Variants in ARFGEF3 observed in about 807,000 individuals in gnomAD.
The protein encoded by ARFGEF3 is brefeldin A-inhibited guanine nucleotide-exchange protein 3.
ARFGEF3 carries 96 observed loss-of-function variants against 221.7 expected under a neutral mutation model. The ratio of observed to expected loss-of-function variants is 0.43; its 90% CI spans 0.37 to 0.51. The LOEUF is 0.51. Ranked by LOEUF, ARFGEF3 falls within the 20% of genes least tolerant of loss-of-function variation. ARFGEF3 has a pLI of 0.00. For synonymous variants in ARFGEF3, 1,145 were observed against 1,126.8 expected (o/e 1.02, Z -0.32); for missense variants, 2,410 against 2,789.9 (o/e 0.86, Z 3.07).
intron 3 of ARFGEF3, among the ~76,000 whole-genome samples, chr6:138,207,500 G>C (rs936112757): frequency 6.6e-6 from 1 of 152,182 alleles, no homozygotes; most frequent in Non-Finnish European, 1.5e-5. Context: ...AATAAAAATT[G>C]ATGGTAAACT....
chr6:138,298,855 A>G, intron 22 of ARFGEF3, 70 bp downstream of exon 22: 1 of 1,150,232 alleles, frequency 8.7e-7, no homozygotes, highest in Non-Finnish European at 1.3e-6. Flanking sequence ...CGGTTCTATG[A>G]GCTTCGCACA....
intron 26 of ARFGEF3, among the ~76,000 whole-genome samples, chr6:138,314,598 T>G (rs1205466103): frequency 6.6e-6 from 1 of 152,186 alleles, no homozygotes; most frequent in Non-Finnish European, 1.5e-5. Flanking sequence ...TCTCCAGCTG[T>G]GGGCCTGTGA....
rs1779947076 is a variant in ARFGEF3, at chr6:138,317,473, T to TTTCCTAGA, written c.4474+95_4474+102dup. ...TGCAGGTGTCTGCCTGTTTTCACTG[T>TTTCCTAGA]TTCCTAGACTTAGTACAAAGCTCAC... On this transcript the variant is annotated intron_variant, in intron 27 of 33. Coordinates refer to ENST00000251691, the MANE Select transcript of ARFGEF3 (RefSeq NM_020340.5). The TTTCCTAGA allele has an allele frequency of 4.8e-6, 7 of 1,459,342 alleles. No individual in the cohort carries two copies. In the South Asian group the frequency reaches 8.4e-5, roughly 17 times the overall value. 90.4% of individuals were successfully genotyped at this position (1,459,342 alleles called of 1,614,324 possible).
In ARFGEF3 at chr6:138,255,681, T is replaced by C. The variant is rs1472065616; in HGVS notation, c.1016T>C (p.Met339Thr). ...CGGCTGGTGGGGTCTGTGGACTCCA[T>C]GAAGCCCGTGCTCCAGTCCCTCTAC... ...LVRLVGSVDS[M>T]KPVLQSLYHR... Residue 339 changes from methionine to threonine, a missense_variant, in exon 10 of 34, where the codon ATG becomes ACG. By Grantham distance (81) the Met-to-Thr change is moderately conservative (BLOSUM62 -1). Transcript: ENST00000251691. The C allele has an allele frequency of 1.2e-6, 2 of 1,613,406 alleles. No individual in the cohort carries two copies. The highest frequency in any genetic ancestry group is 1.7e-6 in the Non-Finnish European group (2 of 1,179,646).
chr6:138,305,197 A>G (rs1779697177), intron 22 of ARFGEF3, among the ~76,000 whole-genome samples: 1 of 152,132 alleles, frequency 6.6e-6, no homozygotes, highest in Non-Finnish European at 1.5e-5. Flanking sequence ...GCAGGAAGGA[A>G]CACCTCCAAA....
intron 11 of ARFGEF3, 25 bp downstream of exon 11, chr6:138,261,664 T>G: frequency 7.3e-7 from 1 of 1,370,444 alleles, no homozygotes; most frequent in Non-Finnish European, 9.9e-7. Context: ...CTTTTAAGTC[T>G]TTATTGAGGC....
At chr6:138,218,481 T>A in intron 4 of ARFGEF3, 1 of 1,454,068 alleles carries the variant, frequency 6.9e-7, no homozygotes, top group Non-Finnish European at 9.1e-7. Flanking sequence ...CACCTCGATA[T>A]ATTTAAGGTC....
chr6:138,179,794 A>G (rs1308124972), intron 2 of ARFGEF3, among the ~76,000 whole-genome samples: 1 of 152,088 alleles, frequency 6.6e-6, no homozygotes, highest in Non-Finnish European at 1.5e-5. Flanking sequence ...CAAGATATGC[A>G]AGTTTTTTTG....
At chr6:138,240,518 A>G (rs969849137) in intron 6 of ARFGEF3, among the ~76,000 whole-genome samples, 2 of 152,274 alleles carry the variant, frequency 1.3e-5, no homozygotes, top group East Asian at 1.9e-4. Flanking sequence ...GTGGAGGTGC[A>G]GGTGATACTG....
Position 138,278,597 on chromosome 6 carries a change from A to T in ARFGEF3, c.2275A>T (p.Thr759Ser). ...SHGDYYRKRP[T>S]LAPGVMKDFM... ...CGGTGACTACTACAGGAAGCGGCCG[A>T]CCCTGGCGCCAGGCGTGATGGTGAG... Residue 759 changes from threonine to serine, a missense_variant, in exon 13 of 34, where the codon ACC becomes TCC. Thr to Ser is a moderately conservative substitution (Grantham distance 58). Transcript: ENST00000251691. The T allele has an allele frequency of 6.2e-7, 1 of 1,613,782 alleles. No homozygotes were observed. Among genetic ancestry groups the T allele is most frequent in the Non-Finnish European group, 8.5e-7 (1 of 1,179,840 alleles).
chr6:138,208,268 C>G (rs1308210780), intron 3 of ARFGEF3, among the ~76,000 whole-genome samples: 1 of 152,082 alleles, frequency 6.6e-6, no homozygotes, highest in Admixed American at 6.6e-5. Flanking sequence ...CTGCTACCTC[C>G]TCTTAACTTT....
chr6:138,238,252 T>C (rs1447310355), intron 5 of ARFGEF3, among the ~76,000 whole-genome samples: 1 of 152,208 alleles, frequency 6.6e-6, no homozygotes, highest in African/African-American at 2.4e-5. Flanking sequence ...AAATCGCTAA[T>C]TTGCGTTCCC....
At chr6:138,310,418 C>G (rs908451111) in intron 24 of ARFGEF3, among the ~76,000 whole-genome samples, 1 of 152,236 alleles carries the variant, frequency 6.6e-6, no homozygotes, top group Non-Finnish European at 1.5e-5. Context: ...TTGTCGATGG[C>G]TGCTTCCATA....
intron 10 of ARFGEF3, among the ~76,000 whole-genome samples, chr6:138,259,601 T>C (rs1045246469): frequency 3.3e-5 from 5 of 152,146 alleles, no homozygotes; most frequent in African/African-American, 1.2e-4. Context: ...TCCATCCCTT[T>C]CCCTCCAGAT....
At position 138,286,732 on chromosome 6, in the gene ARFGEF3, C is replaced by G; in HGVS notation, c.2601C>G (p.Gly867=). The G allele has an allele frequency of 1.9e-6, 3 of 1,614,042 alleles. No individual in the cohort carries two copies. Among genetic ancestry groups the G allele is most frequent in the Non-Finnish European group, 2.5e-6 (3 of 1,179,906 alleles). The change falls in exon 16 of 34, where the codon GGC becomes GGG. Residue 867 remains glycine, a synonymous_variant. Coordinates refer to ENST00000251691, the MANE Select transcript of ARFGEF3 (RefSeq NM_020340.5). ...CATTTGCTCGCTATATTCTGGTGGGCTGCTGGAAGAACTTGATCGATACTT... is the reference window on the plus strand; with the variant it reads ...CATTTGCTCGCTATATTCTGGTGGGGTGCTGGAAGAACTTGATCGATACTT... ...GVAFARYILV[G]CWKNLIDTLS... is the part of the protein sequence containing the mutation.
At chr6:138,256,806 A>G (rs938903256) in intron 10 of ARFGEF3, among the ~76,000 whole-genome samples, 1 of 151,224 alleles carries the variant, frequency 6.6e-6, no homozygotes, top group African/African-American at 2.5e-5. Flanking sequence ...TTATTTTGAG[A>G]CAGAGTCTCA....
chr6:138,281,687 G>A (rs1372418727), intron 14 of ARFGEF3, among the ~76,000 whole-genome samples: 1 of 152,180 alleles, frequency 6.6e-6, no homozygotes, highest in Non-Finnish European at 1.5e-5. Context: ...GGTGTATATG[G>A]ACCACAAGAA....
intron 2 of ARFGEF3, among the ~76,000 whole-genome samples, chr6:138,171,976 A>G (rs990693860): frequency 4.6e-5 from 7 of 152,258 alleles, no homozygotes; most frequent in South Asian, 2.1e-4. Context: ...TATGGTTTCT[A>G]TGTTCTCAGG....
At chr6:138,287,843 T>G (rs963498045) in intron 17 of ARFGEF3, among the ~76,000 whole-genome samples, 1 of 152,036 alleles carries the variant, frequency 6.6e-6, no homozygotes, top group African/African-American at 2.4e-5. Context: ...AGTCACTGAG[T>G]CAGCTGTACA....
Sources: allele counts gnomAD v4.1 joint callset (sites outside exome capture counted in the v4.1 genomes callset), GRCh38; gene constraint gnomAD v4.1.1; transcripts MANE v1.5; gene names NCBI Gene and HGNC (gene_info 2026-07-23, HGNC 2026-07-21).